The following CCSER1 variants were observed in gnomAD, a reference collection of about 807,000 sequenced individuals.
CCSER1 encodes serine-rich coiled-coil domain-containing protein 1.
CCSER1 carries 41 observed loss-of-function variants against 82.0 expected under a neutral mutation model. That is an observed-to-expected ratio of 0.50 (90% confidence interval 0.39 to 0.65). CCSER1 has a LOEUF of 0.65. Among genes scored for constraint, CCSER1 ranks in the 30% least tolerant of loss-of-function variants. The probability of loss-of-function intolerance (pLI) is 0.00; values close to 1 mark genes in which losing one functional copy is unlikely to be tolerated. For missense variants in CCSER1, 1,119 were observed against 1,064.2 expected (o/e 1.05, Z -0.72); for synonymous variants, 414 against 383.9 (o/e 1.08, Z -0.92).
intron 6 of CCSER1, among the ~76,000 whole-genome samples, chr4:90,656,735 T>A (rs1352458938): frequency 2.0e-5 from 3 of 151,970 alleles, no homozygotes; most frequent in Admixed American, 2.0e-4. Flanking sequence ...CCTTTTTGTA[T>A]CTCCTTGAAA....
At position 91,604,078 on chromosome 4, in the gene CCSER1, C is replaced by G. The variant is rs536302892; in HGVS notation, c.*5021C>G. Reference sequence around the variant, plus strand: ...GTCAAAGAGCCCACTTCCCTAATCACATACTTCAATAACTAGTTAGGTAAT... The same window carrying G: ...GTCAAAGAGCCCACTTCCCTAATCAGATACTTCAATAACTAGTTAGGTAAT... On this transcript the variant is annotated 3_prime_UTR_variant, in exon 11 of 11. Transcript: ENST00000509176. The G allele has an allele frequency of 1.9e-4, 29 of 152,212 alleles. No individual in the cohort carries two copies. Among genetic ancestry groups the G allele is most frequent in the African/African-American group, 6.0e-4 (25 of 41,560 alleles). 9.4% of individuals were successfully genotyped at this position (152,212 alleles called of 1,614,324 possible). A position where few individuals can be genotyped will look rare whatever the true frequency, so the allele number is the denominator to read the frequency against.
chr4:91,085,192 C>G (rs535349640), intron 9 of CCSER1, among the ~76,000 whole-genome samples: 46 of 151,410 alleles, frequency 3.0e-4, no homozygotes, highest in African/African-American at 9.2e-4. Context: ...TTATTATGTG[C>G]TATTCAAATT....
intron 7 of CCSER1, among the ~76,000 whole-genome samples, chr4:90,757,456 T>A (rs183317636): frequency 2.0e-5 from 3 of 152,302 alleles, no homozygotes; most frequent in Admixed American, 2.0e-4. Context: ...TAATTTCAGG[T>A]TGGTGTCATG....
intron 10 of CCSER1, among the ~76,000 whole-genome samples, chr4:91,441,631 C>A (rs1454613205): frequency 6.6e-6 from 1 of 152,118 alleles, no homozygotes; most frequent in Non-Finnish European, 1.5e-5. Flanking sequence ...GGCAGTTAGG[C>A]AGGAGAAGGA....
intron 10 of CCSER1, among the ~76,000 whole-genome samples, chr4:91,495,044 T>TGG (rs1758730645): frequency 1.3e-5 from 2 of 151,664 alleles, no homozygotes; most frequent in Non-Finnish European, 3.0e-5. Flanking sequence ...TCTAGCAAAA[T>TGG]GTGGGGAGTT....
At chr4:90,503,732 G>A (rs1172457957) in intron 5 of CCSER1, among the ~76,000 whole-genome samples, 1 of 152,060 alleles carries the variant, frequency 6.6e-6, no homozygotes, top group Admixed American at 6.6e-5. Flanking sequence ...TCCCTACAAA[G>A]GACATGAACT....
rs1249145415 is a variant in CCSER1, at chr4:90,171,921, C to T, written c.-42+44090C>T. ...GGCTCAAGAATACTGCAGTTGTTTA[C>T]GAGGAAGGGCTGTGTTCCTGTTGTA... On this transcript the variant is annotated intron_variant, in intron 1 of 10. Coordinates refer to ENST00000509176, the MANE Select transcript of CCSER1 (RefSeq NM_001145065.2). 5.9e-5 allele frequency among the ~76,000 whole-genome samples: 9 copies of T among 151,916 alleles called. No individual in the cohort carries two copies. The South Asian group carries it at 1.7e-3, about 28-fold the overall frequency.
intron 10 of CCSER1, among the ~76,000 whole-genome samples, chr4:91,422,564 A>G (rs1035634002): frequency 3.3e-5 from 5 of 152,192 alleles, no homozygotes; most frequent in African/African-American, 1.2e-4. Context: ...GGTGCTTATG[A>G]AATACTCATT....
intron 5 of CCSER1, among the ~76,000 whole-genome samples, chr4:90,575,685 A>G (rs1397918794): frequency 6.6e-6 from 1 of 151,854 alleles, no homozygotes; most frequent in African/African-American, 2.4e-5. Context: ...ACAAATATTT[A>G]CTTTCCTCAA....
At chr4:90,788,900 C>A (rs1580472293) in intron 7 of CCSER1, among the ~76,000 whole-genome samples, 1 of 152,030 alleles carries the variant, frequency 6.6e-6, no homozygotes, top group African/African-American at 2.4e-5. Flanking sequence ...TTTCTTAACA[C>A]CTGAAAGATT....
chr4:90,330,725 TA>T (rs1233091517), intron 3 of CCSER1, among the ~76,000 whole-genome samples: 5 of 152,326 alleles, frequency 3.3e-5, no homozygotes, highest in Middle Eastern at 3.4e-3. Context: ...GGGATGCCAT[TA>T]AGTTTTATGA....
chr4:91,366,219 C>T (rs934916066), intron 10 of CCSER1, among the ~76,000 whole-genome samples: 9 of 152,128 alleles, frequency 5.9e-5, no homozygotes, highest in Admixed American at 2.0e-4. Flanking sequence ...TTGGGTTTCA[C>T]TATGTTAGCC....
At chr4:91,234,983 G>T (rs1738893462) in intron 10 of CCSER1, among the ~76,000 whole-genome samples, 1 of 151,942 alleles carries the variant, frequency 6.6e-6, no homozygotes, top group Non-Finnish European at 1.5e-5. Flanking sequence ...TAGAGGTTAA[G>T]AGTGCCAACT....
chr4:90,345,462 T>C (rs879839984), intron 3 of CCSER1, among the ~76,000 whole-genome samples: 1 of 152,104 alleles, frequency 6.6e-6, no homozygotes, highest in Non-Finnish European at 1.5e-5. Flanking sequence ...TGGTACTTTA[T>C]AAAACAAATT....
intron 10 of CCSER1, among the ~76,000 whole-genome samples, chr4:91,386,430 C>G (rs763909100): frequency 6.6e-6 from 1 of 151,878 alleles, no homozygotes; most frequent in East Asian, 1.9e-4. Flanking sequence ...TGAATAAATA[C>G]ATAACTGTGG....
intron 8 of CCSER1, among the ~76,000 whole-genome samples, chr4:90,816,524 G>T (rs565141998): frequency 4.6e-4 from 70 of 151,888 alleles, no homozygotes; most frequent in African/African-American, 1.6e-3. Context: ...ACAGTATTTT[G>T]CAATAAAATG....
At chr4:90,811,054 G>T (rs75966009) in intron 7 of CCSER1, among the ~76,000 whole-genome samples, 1 of 151,734 alleles carries the variant, frequency 6.6e-6, no homozygotes, top group Non-Finnish European at 1.5e-5. Flanking sequence ...GGATGGTCTC[G>T]ATCTCCTGTC....
At position 90,173,717 on chromosome 4, in the gene CCSER1, T is replaced by A. The variant is rs186587194; in HGVS notation, c.-42+45886T>A. ...AATCCAGAAATGCTAGGCACAAGTT[T>A]AAGGGTTAAAAGTGAAGAATAAGAA... is the stretch of plus-strand genomic sequence containing the variant. On this transcript the variant is annotated intron_variant, in intron 1 of 10. Transcript: ENST00000509176. Among the ~76,000 whole-genome samples, 50 of 152,082 alleles carry A rather than the reference T, an allele frequency of 3.3e-4. No homozygotes were observed. In the East Asian group the frequency reaches 9.1e-3, roughly 28 times the overall value.
At chr4:90,201,780 G>A (rs934731803) in intron 1 of CCSER1, among the ~76,000 whole-genome samples, 4 of 152,024 alleles carry the variant, frequency 2.6e-5, no homozygotes, top group Non-Finnish European at 4.4e-5. Flanking sequence ...CACTTGTTCT[G>A]GGTCATGAAA....
Sources: allele counts gnomAD v4.1 joint callset (sites outside exome capture counted in the v4.1 genomes callset), GRCh38; gene constraint gnomAD v4.1.1; transcripts MANE v1.5; gene names NCBI Gene and HGNC (gene_info 2026-07-23, HGNC 2026-07-21).